Variants in NXPH1 observed in about 807,000 individuals in gnomAD.
NXPH1 encodes neurexophilin 1.
A neutral mutation model predicts 23.7 loss-of-function variants in NXPH1; 5 were observed. The observed-to-expected ratio is 0.21, with a 90% confidence interval of 0.11 to 0.44. The LOEUF (loss-of-function observed/expected upper bound fraction) is 0.44. Among genes scored for constraint, NXPH1 ranks in the 20% least tolerant of loss-of-function variants. NXPH1 has a pLI of 0.99. For synonymous variants in NXPH1, 144 were observed against 122.2 expected, an observed-to-expected ratio of 1.18 and a Z score of -1.18; for missense variants, 324 against 321.6, an observed-to-expected ratio of 1.01 and a Z score of -0.06.
chr7:8,563,428 G>A (rs1818482837), intron 2 of NXPH1, among the ~76,000 whole-genome samples: 1 of 151,726 alleles, frequency 6.6e-6, no homozygotes. Context: ...AGCCTAGAAT[G>A]AGCAACAAAA....
At chr7:8,680,466 G>T (rs1292309513) in intron 2 of NXPH1, among the ~76,000 whole-genome samples, 1 of 152,098 alleles carries the variant, frequency 6.6e-6, no homozygotes, top group Non-Finnish European at 1.5e-5. Flanking sequence ...AACAAATCTC[G>T]TGTCTTATAG....
chr7:8,677,142 A>G (rs1820964417), intron 2 of NXPH1, among the ~76,000 whole-genome samples: 1 of 152,212 alleles, frequency 6.6e-6, no homozygotes, highest in Non-Finnish European at 1.5e-5. Flanking sequence ...TTTCATACTA[A>G]TCTGGTATTG....
At chr7:8,493,817 A>G (rs1025298849) in intron 2 of NXPH1, among the ~76,000 whole-genome samples, 3 of 152,018 alleles carry the variant, frequency 2.0e-5, no homozygotes, top group Non-Finnish European at 4.4e-5. Flanking sequence ...ACTTGTGAGT[A>G]CATGAAAAGT....
chr7:8,568,735 C>T (rs979784096), intron 2 of NXPH1, among the ~76,000 whole-genome samples: 1 of 151,490 alleles, frequency 6.6e-6, no homozygotes, highest in African/African-American at 2.4e-5. Flanking sequence ...GAGTACCCTG[C>T]TGGTACTTGA....
intron 2 of NXPH1, among the ~76,000 whole-genome samples, chr7:8,746,391 G>C (rs1257019277): frequency 6.6e-6 from 1 of 152,156 alleles, no homozygotes; most frequent in Non-Finnish European, 1.5e-5. Flanking sequence ...TTCCAGAGAG[G>C]CTTCCTGACT....
chr7:8,577,709 T>C (rs958145416), intron 2 of NXPH1, among the ~76,000 whole-genome samples: 3 of 152,180 alleles, frequency 2.0e-5, no homozygotes, highest in African/African-American at 7.2e-5. Flanking sequence ...TGTAGTCTCC[T>C]TCCACAGTGA....
chr7:8,700,349 T>A (rs1779603823), intron 2 of NXPH1, among the ~76,000 whole-genome samples: 2 of 152,150 alleles, frequency 1.3e-5, no homozygotes, highest in Non-Finnish European at 2.9e-5. Context: ...AGGCTTCATT[T>A]CTGTCTTTCA....
At chr7:8,519,032 T>C (rs2128615312) in intron 2 of NXPH1, among the ~76,000 whole-genome samples, 1 of 152,270 alleles carries the variant, frequency 6.6e-6, no homozygotes, top group Middle Eastern at 3.4e-3. Flanking sequence ...GTGCTTGGCA[T>C]GGGTAGGCTA....
At chr7:8,727,813 T>C (rs369650885) in intron 2 of NXPH1, among the ~76,000 whole-genome samples, 79 of 152,104 alleles carry the variant, frequency 5.2e-4, no homozygotes, top group African/African-American at 7.2e-4. Context: ...ATTGACTTGG[T>C]GATGCGGGCT....
intron 2 of NXPH1, among the ~76,000 whole-genome samples, chr7:8,745,846 C>T (rs570764212): frequency 2.3e-4 from 35 of 150,866 alleles, no homozygotes; most frequent in African/African-American, 6.8e-4. Flanking sequence ...GGATTTCAGG[C>T]GAGAGCTACT....
chr7:8,540,089 T>C (rs1190647409), intron 2 of NXPH1, among the ~76,000 whole-genome samples: 2 of 151,852 alleles, frequency 1.3e-5, no homozygotes, highest in Non-Finnish European at 1.5e-5. Flanking sequence ...AGCAGATTTA[T>C]TAGCAGATCC....
At chr7:8,739,758 TTC>T (rs1429365003) in intron 2 of NXPH1, among the ~76,000 whole-genome samples, 1 of 152,226 alleles carries the variant, frequency 6.6e-6, no homozygotes, top group Non-Finnish European at 1.5e-5. Flanking sequence ...ACAAAATATT[TTC>T]TTTCTTTCCA....
chr7:8,684,931 G>GT (rs1247756217), intron 2 of NXPH1, among the ~76,000 whole-genome samples: 2 of 152,072 alleles, frequency 1.3e-5, no homozygotes, highest in African/African-American at 4.8e-5. Flanking sequence ...TCCAGGATGT[G>GT]TTTTAAAAGG....
intron 2 of NXPH1, among the ~76,000 whole-genome samples, chr7:8,507,488 A>G (rs57848258): frequency 0.026 from 3,833 of 149,760 alleles, 210 homozygotes; most frequent in African/African-American, 0.088. Context: ...TTGGCAAGCA[A>G]TATTTTAATT....
intron 2 of NXPH1, among the ~76,000 whole-genome samples, chr7:8,655,330 A>T (rs1175216360): frequency 6.6e-6 from 1 of 151,862 alleles, no homozygotes; most frequent in Non-Finnish European, 1.5e-5. Flanking sequence ...GGTTGCAGTG[A>T]GCTGAGATCG....
chr7:8,601,486 G>A (rs1047857057), intron 2 of NXPH1, among the ~76,000 whole-genome samples: 3 of 152,136 alleles, frequency 2.0e-5, no homozygotes, highest in Non-Finnish European at 4.4e-5. Context: ...TGTTCTTCAG[G>A]ATGAAAAGTT....
chr7:8,655,444 C>CTCTCTCTA (rs1820562275), intron 2 of NXPH1, among the ~76,000 whole-genome samples: 2 of 66,954 alleles, frequency 3.0e-5, no homozygotes, highest in Non-Finnish European at 6.2e-5. Context: ...CTCTCTCTCT[C>CTCTCTCTA]TCTCTATACA....
chr7:8,741,149 G>C (rs1406070099), intron 2 of NXPH1, among the ~76,000 whole-genome samples: 1 of 152,054 alleles, frequency 6.6e-6, no homozygotes, highest in East Asian at 1.9e-4. Context: ...TGCAGTATTT[G>C]TTTCTGTCTA....
chr7:8,454,220 C>G (rs1026685615), intron 2 of NXPH1, among the ~76,000 whole-genome samples: 1 of 151,966 alleles, frequency 6.6e-6, no homozygotes, highest in Non-Finnish European at 1.5e-5. Flanking sequence ...CACTTGTACC[C>G]CTGAAATTAA....
Sources: allele counts gnomAD v4.1 joint callset (sites outside exome capture counted in the v4.1 genomes callset), GRCh38; gene constraint gnomAD v4.1.1; transcripts MANE v1.5; gene names NCBI Gene and HGNC (gene_info 2026-07-23, HGNC 2026-07-21).